Variants in PASK observed in about 807,000 individuals in gnomAD.
PASK encodes PAS domain containing serine/threonine kinase.
Under a neutral mutation model 121.0 loss-of-function variants are expected in PASK, and 110 were observed. The ratio of observed to expected loss-of-function variants is 0.91; its 90% CI spans 0.78 to 1.06. PASK has a LOEUF of 1.06. PASK is among the 50% of genes least tolerant of loss of function. PASK has a pLI of 0.00. For synonymous variants in PASK, 686 were observed against 717.8 expected (o/e 0.96, Z 0.71); for missense variants, 1,643 against 1,702.3 (o/e 0.97, Z 0.61).
rs1315988319 is a variant in PASK, at chr2:241,133,002, A to G, written c.1335T>C (p.Gly445=). The change falls in exon 9 of 18, where the codon GGT becomes GGC. Residue 445 remains glycine (G), a synonymous_variant. Coordinates refer to ENST00000234040, the MANE Select transcript of PASK (RefSeq NM_015148.4). ...TCTCATCTCGGGGCACAACGTGGCCACCAGCAAGCACGACATTAATCCTTG... is the reference window on the plus strand; with the variant it reads ...TCTCATCTCGGGGCACAACGTGGCCGCCAGCAAGCACGACATTAATCCTTG... ...QDPRINVVLA[G]GHVVPRDEIR... The G allele has an allele frequency of 6.2e-7, 1 of 1,614,170 alleles. No individual in the cohort carries two copies. The highest frequency in any genetic ancestry group is 1.7e-5 in the Admixed American group (1 of 60,024).
At chr2:241,143,105 T>A (rs2066788134) in intron 1 of PASK, 31 bp from the exon 2 acceptor site, 5 of 1,119,612 alleles carry the variant, frequency 4.5e-6, no homozygotes, top group Non-Finnish European at 6.8e-6. Flanking sequence ...GATTAACATC[T>A]GCAATGCAAA....
At chr2:241,150,053 G>A (rs1160177780), upstream of PASK, 7 of 1,364,502 alleles carry the variant, frequency 5.1e-6, no homozygotes, top group African/African-American at 3.0e-5. Context: ...CAGAGGTCAG[G>A]GATGCACGTA....
chr2:241,147,432 A>T (rs2067004792), intron 1 of PASK, among the ~76,000 whole-genome samples: 2 of 152,168 alleles, frequency 1.3e-5, no homozygotes, highest in East Asian at 3.9e-4. Flanking sequence ...AGCCTGGGCA[A>T]CATAGGGAGA....
At position 241,137,340 on chromosome 2, in the gene PASK, C is replaced by G. The variant is rs1482866186; in HGVS notation, c.877-76G>C. On this transcript the variant is annotated intron_variant, in intron 6 of 17. Coordinates refer to ENST00000234040, the MANE Select transcript of PASK (RefSeq NM_015148.4). ...GCACTGAGTCTGTGCTGCGTCCGAC[C>G]CGACTTCTACCCCACGTCATCGGGG... 3.4e-6 allele frequency: 4 copies of G among 1,162,762 alleles called. No homozygotes were observed. In the Admixed American group the frequency reaches 6.7e-5, roughly 20 times the overall value. The allele number at this position is 1,162,762 out of a possible 1,614,324, so 72.0% of individuals were successfully genotyped here.
At chr2:241,114,868 A>G (rs2065260509) in intron 14 of PASK, 175 bp downstream of exon 14, 1 of 1,514,104 alleles carries the variant, frequency 6.6e-7, no homozygotes, top group South Asian at 1.3e-5. Flanking sequence ...CACTTTCTCT[A>G]CTTCAATCAT....
At chr2:241,118,786 G>A in intron 12 of PASK, 2 of 388,170 alleles carry the variant, frequency 5.2e-6, no homozygotes, top group Non-Finnish European at 8.1e-6. Flanking sequence ...AGGGCAGACA[G>A]CCTGGCCAAG....
At chr2:241,143,519 C>G (rs1334457832) in intron 1 of PASK, among the ~76,000 whole-genome samples, 1 of 151,472 alleles carries the variant, frequency 6.6e-6, no homozygotes, top group Admixed American at 6.6e-5. Context: ...CCACTGCACT[C>G]CAGCCTGGGC....
At chr2:241,140,841 C>T (rs934141211) in intron 2 of PASK, 88 bp from the exon 3 acceptor site, 6 of 821,962 alleles carry the variant, frequency 7.3e-6, no homozygotes, top group Admixed American at 5.9e-5. Context: ...AGCCCTTGCC[C>T]TCAACTCCTG....
intron 9 of PASK, among the ~76,000 whole-genome samples, chr2:241,132,052 CAAAAA>C (rs36063946): frequency 2.4e-5 from 2 of 83,738 alleles, no homozygotes; most frequent in African/African-American, 1.1e-4. Flanking sequence ...GACTCCATCT[CAAAAA>C]AAAAAAAAAA....
At chr2:241,127,704 T>G in intron 9 of PASK, 1 of 483,076 alleles carries the variant, frequency 2.1e-6, no homozygotes. Context: ...ACAGGAGAAC[T>G]TGCCAATGCT....
At chr2:241,139,790 C>T in intron 4 of PASK, 95 bp downstream of exon 4, 2 of 1,215,196 alleles carry the variant, frequency 1.6e-6, no homozygotes, top group Non-Finnish European at 1.2e-6. Flanking sequence ...GCCACCCAAC[C>T]CCCAGCAGAG....
Position 241,108,132 on chromosome 2 carries a change from G to A in PASK, c.3667+35C>T. 2.5e-6 allele frequency: 4 copies of A among 1,612,550 alleles called. No individual in the cohort carries two copies. The highest frequency in any genetic ancestry group is 1.3e-5 in the African/African-American group (1 of 75,028). Reference sequence around the variant, plus strand: ...AAAAAGTGGCTGGTCTCTAAGGACAGTGTCGACTGTCTACCACTTGCAGCT... The same window carrying A: ...AAAAAGTGGCTGGTCTCTAAGGACAATGTCGACTGTCTACCACTTGCAGCT... On this transcript the variant is annotated intron_variant, in intron 16 of 17. Transcript: ENST00000234040. This position sits in a 1 kb window ranked among gnomAD's most constrained non-coding sequence, Gnocchi z 5.2.
chr2:241,126,264 C>A lies in PASK; in HGVS notation c.2651G>T (p.Gly884Val), dbSNP rs769822477. Residue 884 changes from glycine (G) to valine (V), a missense_variant, in exon 10 of 18, where the codon GGC becomes GTC. Around this residue, in one of 3 missense-constraint regions of PASK, gnomAD observed 1,176 missense variants for 1,162.2 expected, o/e 1.01. Transcript: ENST00000234040. ...TPVIVMRGAA[G>V]LQREIQEGAY... is the part of the protein sequence containing the mutation. The stretch of plus-strand genomic sequence containing the variant: ...ACCCTCCTGGATCTCCCGCTGCAGG[C>A]CAGCAGCCCCGCGCATCACGATCAC... 6.2e-7 allele frequency: 1 copy of A among 1,614,140 alleles called. No individual in the cohort carries two copies. The highest frequency in any genetic ancestry group is 8.5e-7 in the Non-Finnish European group (1 of 1,180,026).
At chr2:241,125,308 TA>T (rs1381178506) in intron 10 of PASK, among the ~76,000 whole-genome samples, 2 of 131,130 alleles carry the variant, frequency 1.5e-5, no homozygotes, top group African/African-American at 5.8e-5. Flanking sequence ...TCTCAAAAAA[TA>T]AAAAAAATAG....
intron 1 of PASK, among the ~76,000 whole-genome samples, chr2:241,144,889 C>T (rs1022140582): frequency 2.6e-5 from 4 of 152,200 alleles, no homozygotes; most frequent in African/African-American, 9.7e-5. Flanking sequence ...TCTCCGCCTT[C>T]GCCATCACAG....
rs137915728 is a variant in PASK, at chr2:241,126,551, C to A, written c.2364G>T (p.Gly788=). The A allele has an allele frequency of 1.1e-4, 184 of 1,614,110 alleles. No homozygotes were observed. Among genetic ancestry groups the A allele is most frequent in the Non-Finnish European group, 1.5e-4 (175 of 1,180,016 alleles). Residue 788 remains glycine (G), a synonymous_variant, in exon 10 of 18, where the codon GGG becomes GGT. Coordinates refer to ENST00000234040, the MANE Select transcript of PASK (RefSeq NM_015148.4). ...GCTCCCTGTCATCCAGGACACACGA[C>A]CCCTGTTCCTGGAGACTGCCTACAT... ...DPDVGSLQEQ[G]SCVLDDRELL...
At chr2:241,144,932 G>T (rs1439728437) in intron 1 of PASK, among the ~76,000 whole-genome samples, 2 of 152,050 alleles carry the variant, frequency 1.3e-5, no homozygotes, top group Admixed American at 1.3e-4. Context: ...TCTTTTTTTT[G>T]AGACAGAGTC....
At position 241,121,131 on chromosome 2, in the gene PASK, T is replaced by C. The variant is rs565229785; in HGVS notation, c.3072+1601A>G. ...GAAGTGTCCAGAATAGGCAAATCTA[T>C]TGAGACAGAAAGTAGATTTGTGGTT... On this transcript the variant is annotated intron_variant, in intron 12 of 17. Transcript: ENST00000234040. Among the ~76,000 whole-genome samples, 8 of 152,340 alleles carry C rather than the reference T, an allele frequency of 5.3e-5. No individual in the cohort carries two copies. In the South Asian group the frequency reaches 1.7e-3, roughly 32 times the overall value.
chr2:241,144,544 C>A (rs1479690800), intron 1 of PASK, among the ~76,000 whole-genome samples: 1 of 152,204 alleles, frequency 6.6e-6, no homozygotes, highest in Non-Finnish European at 1.5e-5. Context: ...CCCCAGAGTT[C>A]CCAGCCAAAG....
Sources: allele counts gnomAD v4.1 joint callset (sites outside exome capture counted in the v4.1 genomes callset), GRCh38; gene constraint gnomAD v4.1.1; regional missense constraint gnomAD v4.1.1; non-coding constraint Gnocchi (gnomAD v3.1); transcripts MANE v1.5; gene names NCBI Gene and HGNC (gene_info 2026-07-23, HGNC 2026-07-21).